Variants in ELMO1 observed in about 807,000 individuals in gnomAD.
ELMO1 encodes engulfment and cell motility 1, also known as engulfment and cell motility protein 1.
ELMO1 carries 26 observed loss-of-function variants against 98.9 expected under a neutral mutation model. The ratio of observed to expected loss-of-function variants is 0.26; its 90% CI spans 0.19 to 0.36. The LOEUF (loss-of-function observed/expected upper bound fraction) is 0.36. Ranked by LOEUF, ELMO1 falls within the 10% of genes least tolerant of loss-of-function variation. The pLI is 1.00. For missense variants in ELMO1, 627 were observed against 935.2 expected (o/e 0.67, Z 4.30); for synonymous variants, 346 against 346.0 (o/e 1.00, Z 0.00).
Position 37,013,391 on chromosome 7 carries a change from C to G in ELMO1, c.1345G>C (p.Asp449His), listed in dbSNP as rs766499829. Residue 449 changes from aspartate to histidine, a missense_variant, in exon 16 of 22, where the codon GAC becomes CAC. Transcript: ENST00000310758. Reference protein sequence around the residue: ...NDFHPMFFTHDRSFEEFFCIC... With the variant: ...NDFHPMFFTHHRSFEEFFCIC... The stretch of plus-strand genomic sequence containing the variant: ...CAGAAAAACTCCTCAAAGGATCTGT[C>G]GTGGGTGAAGAACATCGGGTGGAAG... 1 of 1,613,876 alleles carries G rather than the reference C, an allele frequency of 6.2e-7. No individual in the cohort carries two copies. The highest frequency in any genetic ancestry group is 1.1e-5 in the South Asian group (1 of 91,082).
intron 8 of ELMO1, among the ~76,000 whole-genome samples, chr7:37,228,562 A>T (rs924881282): frequency 6.6e-6 from 1 of 152,242 alleles, no homozygotes; most frequent in Non-Finnish European, 1.5e-5. Flanking sequence ...TCATTCATTT[A>T]AAAATCTTGG....
intron 18 of ELMO1, among the ~76,000 whole-genome samples, chr7:36,879,691 G>A (rs897135478): frequency 6.6e-6 from 1 of 152,198 alleles, no homozygotes; most frequent in Admixed American, 6.5e-5. Flanking sequence ...CATAGTCAGA[G>A]TACGGCAATC....
intron 1 of ELMO1, among the ~76,000 whole-genome samples, chr7:37,405,782 AGT>A (rs918219328): frequency 1.8e-4 from 27 of 152,294 alleles, no homozygotes; most frequent in African/African-American, 6.3e-4. Context: ...GGGAAACCAG[AGT>A]GTCTTGAACT....
At chr7:37,104,270 A>G (rs918568828) in intron 14 of ELMO1, among the ~76,000 whole-genome samples, 12 of 151,998 alleles carry the variant, frequency 7.9e-5, no homozygotes, top group African/African-American at 2.9e-4. Context: ...TTGGTGTGTT[A>G]AAATTATATG....
chr7:37,188,500 A>T (rs1213172141), intron 13 of ELMO1, among the ~76,000 whole-genome samples: 5 of 134,048 alleles, frequency 3.7e-5, no homozygotes, highest in Non-Finnish European at 7.9e-5. Context: ...AAAAAAAAAA[A>T]AAATAATAAT....
At chr7:37,188,495 A>AAAAAAAT (rs1791369943) in intron 13 of ELMO1, among the ~76,000 whole-genome samples, 1 of 65,592 alleles carries the variant, frequency 1.5e-5, no homozygotes, top group African/African-American at 4.4e-5. Context: ...GGTAAAAAAA[A>AAAAAAAT]AAAAAAAATA....
intron 13 of ELMO1, among the ~76,000 whole-genome samples, chr7:37,190,890 T>C (rs1197561599): frequency 6.6e-6 from 1 of 151,970 alleles, no homozygotes; most frequent in South Asian, 2.1e-4. Flanking sequence ...TATACAAGCA[T>C]AGAAAATATC....
chr7:37,293,985 T>A (rs989251035), intron 4 of ELMO1, among the ~76,000 whole-genome samples: 3 of 152,130 alleles, frequency 2.0e-5, no homozygotes, highest in Admixed American at 1.3e-4. Flanking sequence ...GAGTTATCAG[T>A]TGTTACTGCC....
intron 16 of ELMO1, among the ~76,000 whole-genome samples, chr7:36,913,897 A>G (rs1784507508): frequency 6.6e-6 from 1 of 152,170 alleles, no homozygotes; most frequent in Non-Finnish European, 1.5e-5. Context: ...GGTAGTTCAG[A>G]GATTTGTTTG....
chr7:37,273,176 T>C (rs1227260935), intron 4 of ELMO1, among the ~76,000 whole-genome samples: 1 of 152,250 alleles, frequency 6.6e-6, no homozygotes, highest in Non-Finnish European at 1.5e-5. Context: ...GGCAAGTATA[T>C]TTGAAGTAAG....
At chr7:37,075,804 A>G (rs1584605499) in intron 15 of ELMO1, among the ~76,000 whole-genome samples, 2 of 152,212 alleles carry the variant, frequency 1.3e-5, no homozygotes, top group African/African-American at 4.8e-5. Flanking sequence ...GATGATGATC[A>G]CCCTTCCTTG....
At chr7:37,006,344 C>T (rs1003123080) in intron 16 of ELMO1, among the ~76,000 whole-genome samples, 1 of 152,170 alleles carries the variant, frequency 6.6e-6, no homozygotes, top group African/African-American at 2.4e-5. Context: ...ATTTGCAAAG[C>T]AAACCTAATG....
chr7:37,021,838 T>C (rs1042854310), intron 15 of ELMO1, among the ~76,000 whole-genome samples: 2 of 152,144 alleles, frequency 1.3e-5, no homozygotes, highest in Non-Finnish European at 2.9e-5. Context: ...CTAGCTAAAA[T>C]GCCAAATTTG....
intron 4 of ELMO1, among the ~76,000 whole-genome samples, chr7:37,277,453 T>C (rs776715058): frequency 6.6e-6 from 1 of 152,208 alleles, no homozygotes; most frequent in Non-Finnish European, 1.5e-5. Flanking sequence ...AGAAAAGTCC[T>C]ATGTGGTCGC....
At chr7:37,000,617 ATG>A (rs1384080288) in intron 16 of ELMO1, among the ~76,000 whole-genome samples, 1 of 152,238 alleles carries the variant, frequency 6.6e-6, no homozygotes, top group Non-Finnish European at 1.5e-5. Flanking sequence ...GTGTTCACAC[ATG>A]TGATTCAACA....
intron 20 of ELMO1, among the ~76,000 whole-genome samples, chr7:36,868,927 G>C (rs1038938718): frequency 8.5e-5 from 13 of 152,176 alleles, no homozygotes; most frequent in African/African-American, 2.4e-4. Flanking sequence ...AAGCTGAGCA[G>C]AGCCCGTGCT....
intron 7 of ELMO1, among the ~76,000 whole-genome samples, chr7:37,235,217 C>A (rs144528214): frequency 6.6e-6 from 1 of 151,658 alleles, no homozygotes; most frequent in Non-Finnish European, 1.5e-5. Context: ...ACAAGAAAAT[C>A]CAAATATCAG....
chr7:37,257,413 AC>A (rs1463001190), intron 6 of ELMO1, among the ~76,000 whole-genome samples: 3 of 150,358 alleles, frequency 2.0e-5, no homozygotes, highest in African/African-American at 7.4e-5. Flanking sequence ...ACGTGGTGAA[AC>A]CCCGTCTCTA....
At chr7:37,092,591 G>A (rs773371305) in intron 15 of ELMO1, among the ~76,000 whole-genome samples, 13 of 151,846 alleles carry the variant, frequency 8.6e-5, no homozygotes, top group East Asian at 3.9e-4. Context: ...TAGACAGGAC[G>A]GTCTTGATCT....
Sources: allele counts gnomAD v4.1 joint callset (sites outside exome capture counted in the v4.1 genomes callset), GRCh38; gene constraint gnomAD v4.1.1; transcripts MANE v1.5; gene names NCBI Gene and HGNC (gene_info 2026-07-23, HGNC 2026-07-21).